Variants in MAP2K1 observed in about 807,000 individuals in gnomAD.
The protein encoded by MAP2K1 is mitogen-activated protein kinase kinase 1.
In MAP2K1, 16 loss-of-function variants were observed where a neutral mutation model predicts 46.3. The observed-to-expected ratio is 0.35, with a 90% CI of 0.23 to 0.52. The LOEUF (loss-of-function observed/expected upper bound fraction) is 0.52, where lower values mean the gene tolerates loss of function less well. Among genes scored for constraint, MAP2K1 ranks in the 20% least tolerant of loss-of-function variants. The pLI is 0.94. For missense variants in MAP2K1, 263 were observed against 497.1 expected (o/e 0.53, Z 4.48); for synonymous variants, 183 against 185.6 (o/e 0.99, Z 0.11).
chr15:66,421,066 A>T (rs2140556023), intron 1 of MAP2K1, among the ~76,000 whole-genome samples: 1 of 140,522 alleles, frequency 7.1e-6, no homozygotes. Flanking sequence ...ACACATACAC[A>T]CACACATATA....
At chr15:66,463,699 G>A (rs541177658) in intron 5 of MAP2K1, among the ~76,000 whole-genome samples, 1 of 152,370 alleles carries the variant, frequency 6.6e-6, no homozygotes, top group South Asian at 2.1e-4. Flanking sequence ...AGCCAGGCTG[G>A]CTTCAAACTC....
At chr15:66,391,340 A>G (rs2093355772) in intron 1 of MAP2K1, among the ~76,000 whole-genome samples, 1 of 152,158 alleles carries the variant, frequency 6.6e-6, no homozygotes, top group Non-Finnish European at 1.5e-5. Context: ...CCAGGCTGGA[A>G]TGCAGTGGCA....
chr15:66,423,277 T>C (rs754532460), intron 1 of MAP2K1, among the ~76,000 whole-genome samples: 6 of 152,216 alleles, frequency 3.9e-5, no homozygotes, highest in Non-Finnish European at 7.3e-5. Flanking sequence ...TGTTCATACA[T>C]GTTGTCACCT....
chr15:66,390,371 A>G (rs16949849), intron 1 of MAP2K1, among the ~76,000 whole-genome samples: 15,652 of 152,220 alleles, frequency 0.1, 851 homozygotes, highest in African/African-American at 0.14. Flanking sequence ...GATTTCTGTG[A>G]TTAGACCAGG....
intron 1 of MAP2K1, among the ~76,000 whole-genome samples, chr15:66,394,744 G>A (rs904543308): frequency 2.0e-5 from 3 of 152,150 alleles, no homozygotes; most frequent in Non-Finnish European, 2.9e-5. Context: ...GAGCCACCAT[G>A]TCTGGCCTGA....
chr15:66,421,093 TACACACAC>T (rs71454561), intron 1 of MAP2K1, among the ~76,000 whole-genome samples: 7,920 of 128,712 alleles, frequency 0.062, 277 homozygotes, highest in Admixed American at 0.092. Context: ...TACACACACA[TACACACAC>T]ACACACACAC....
chr15:66,411,081 CTG>C (rs1306056280), intron 1 of MAP2K1, among the ~76,000 whole-genome samples: 1 of 151,598 alleles, frequency 6.6e-6, no homozygotes, highest in Non-Finnish European at 1.5e-5. Context: ...TTCTTGATAA[CTG>C]TTCTTGAGGT....
Position 66,436,707 on chromosome 15 carries a change from T to G in MAP2K1, c.292-39T>G, listed in dbSNP as rs1249552817. The G allele has an allele frequency of 1.9e-6, 3 of 1,604,400 alleles. No individual in the cohort carries two copies. The South Asian group carries it at 3.3e-5, about 18-fold the overall frequency. ...ATATCTTTCATCCCTTCCTCCCTCT[T>G]TCTTTCATAAAACCTCTCTTTCTTC... On this transcript the variant is annotated intron_variant, in intron 2 of 10. Coordinates refer to ENST00000307102, the MANE Select transcript of MAP2K1 (RefSeq NM_002755.4).
chr15:66,489,364 G>A (rs1292537980), intron 9 of MAP2K1, 88 bp downstream of exon 9: 3 of 1,284,608 alleles, frequency 2.3e-6, no homozygotes, highest in East Asian at 4.6e-5. Context: ...CATTGCTTCT[G>A]CAGGCAGAGT....
chr15:66,470,094 GTTTTTTTT>G (rs55637393), intron 5 of MAP2K1, among the ~76,000 whole-genome samples: 6 of 76,602 alleles, frequency 7.8e-5, no homozygotes, highest in East Asian at 3.9e-4. Flanking sequence ...TTTTTTTCTT[GTTTTTTTT>G]TTTTTTTTTT....
At chr15:66,397,652 A>G (rs555586995) in intron 1 of MAP2K1, among the ~76,000 whole-genome samples, 3 of 152,298 alleles carry the variant, frequency 2.0e-5, no homozygotes, top group Non-Finnish European at 2.9e-5. Context: ...TTGTCCTTCA[A>G]ATCTAGCCCA....
intron 5 of MAP2K1, among the ~76,000 whole-genome samples, chr15:66,478,080 C>G (rs969393558): frequency 6.6e-6 from 1 of 151,744 alleles, no homozygotes; most frequent in Non-Finnish European, 1.5e-5. Context: ...CCTCTCCTCC[C>G]GAAGTTCAGA....
intron 1 of MAP2K1, among the ~76,000 whole-genome samples, chr15:66,422,656 T>TA (rs2093446439): frequency 6.6e-6 from 1 of 152,186 alleles, no homozygotes; most frequent in South Asian, 2.1e-4. Context: ...GTTGACTTTT[T>TA]ATCTCTGGTT....
At chr15:66,431,272 T>G (rs2093474420) in intron 1 of MAP2K1, among the ~76,000 whole-genome samples, 1 of 152,210 alleles carries the variant, frequency 6.6e-6, no homozygotes. Context: ...TTATATCCTT[T>G]GCTTAAAACA....
intron 1 of MAP2K1, 104 bp downstream of exon 1, chr15:66,387,531 G>T: frequency 1.7e-6 from 2 of 1,149,360 alleles, no homozygotes; most frequent in Non-Finnish European, 2.5e-6. Flanking sequence ...ACGTACGTCT[G>T]GGGCTGGCAG....
intron 1 of MAP2K1, among the ~76,000 whole-genome samples, chr15:66,420,777 GTGTATATATATGTGTGTATATATA>G (rs2093437532): frequency 6.4e-5 from 2 of 31,428 alleles, no homozygotes; most frequent in Non-Finnish European, 1.7e-4. Context: ...GTATATATAT[GTGTATATATATGTGTGTATATATA>G]TGTGTATATA....
intron 1 of MAP2K1, among the ~76,000 whole-genome samples, chr15:66,425,308 C>G (rs894535112): frequency 6.6e-6 from 1 of 152,202 alleles, no homozygotes; most frequent in African/African-American, 2.4e-5. Flanking sequence ...GATTCTTCAT[C>G]AACTAGGAGA....
intron 1 of MAP2K1, among the ~76,000 whole-genome samples, chr15:66,434,675 G>T (rs1670808294): frequency 6.6e-6 from 1 of 152,084 alleles, no homozygotes; most frequent in South Asian, 2.1e-4. Context: ...AACAGTAGTG[G>T]GGCTTTTTAA....
intron 1 of MAP2K1, among the ~76,000 whole-genome samples, chr15:66,389,572 GTTTTTTTTTTT>G (rs375412152): frequency 4.6e-5 from 4 of 86,964 alleles, no homozygotes; most frequent in African/African-American, 1.9e-4. Flanking sequence ...CTCTGTTGTG[GTTTTTTTTTTT>G]TTTTTTTTTT....
Sources: gnomAD v4.1 joint callset for allele counts (sites outside exome capture counted in the v4.1 genomes callset) on GRCh38, gnomAD v4.1.1 for gene constraint, MANE v1.5 for transcripts, NCBI Gene and HGNC (gene_info 2026-07-23, HGNC 2026-07-21) for gene names.